The following BACH2 variants were observed in gnomAD, a reference collection of about 807,000 sequenced individuals.
BACH2 encodes transcription regulator protein BACH2.
BACH2 carries 5 observed loss-of-function variants against 61.8 expected under a neutral mutation model. The observed-to-expected ratio is 0.08, with a 90% CI of 0.04 to 0.17. BACH2 has a LOEUF of 0.17. Among genes scored for constraint, BACH2 ranks in the 10% least tolerant of loss-of-function variants. The pLI is 1.00. For missense variants in BACH2, 824 were observed against 1,091.1 expected (o/e 0.76, Z 3.45); for synonymous variants, 446 against 440.1 (o/e 1.01, Z -0.17).
chr6:90,108,932 CT>C (rs1416353154), intron 4 of BACH2, among the ~76,000 whole-genome samples: 1 of 152,160 alleles, frequency 6.6e-6, no homozygotes, highest in Non-Finnish European at 1.5e-5. Flanking sequence ...CCCATCCCCT[CT>C]CTCTCACTTA....
At chr6:89,991,787 T>C (rs1776589234) in intron 6 of BACH2, among the ~76,000 whole-genome samples, 2 of 152,148 alleles carry the variant, frequency 1.3e-5, no homozygotes, top group Admixed American at 6.5e-5. Context: ...TCTTTTAATC[T>C]AGGGCAATCC....
At chr6:90,272,465 T>C (rs1359173665) in intron 1 of BACH2, among the ~76,000 whole-genome samples, 1 of 152,112 alleles carries the variant, frequency 6.6e-6, no homozygotes, top group East Asian at 1.9e-4. Context: ...ATTCCCTCCC[T>C]TGAACTCCTC....
intron 3 of BACH2, among the ~76,000 whole-genome samples, chr6:90,230,713 G>A (rs765361037): frequency 1.1e-4 from 17 of 152,168 alleles, no homozygotes; most frequent in Non-Finnish European, 2.2e-4. Flanking sequence ...AAAGAAAAGC[G>A]ATGTGGAGAC....
intron 6 of BACH2, among the ~76,000 whole-genome samples, chr6:89,967,437 T>G (rs1006742926): frequency 2.6e-5 from 4 of 152,180 alleles, no homozygotes; most frequent in Admixed American, 1.3e-4. Flanking sequence ...GTTCCAGTAT[T>G]TGGATGGAAT....
intron 5 of BACH2, among the ~76,000 whole-genome samples, chr6:90,059,481 G>C (rs1780562961): frequency 6.6e-6 from 1 of 152,314 alleles, no homozygotes; most frequent in South Asian, 2.1e-4. Context: ...AACAACAGGT[G>C]CTGGAGAGGA....
chr6:90,054,692 C>G (rs1188411293), intron 5 of BACH2, among the ~76,000 whole-genome samples: 1 of 152,232 alleles, frequency 6.6e-6, no homozygotes. Context: ...GGGTCCCTGA[C>G]CCCCGAGGAG....
intron 5 of BACH2, among the ~76,000 whole-genome samples, chr6:90,014,820 C>T (rs979912737): frequency 6.6e-6 from 1 of 151,734 alleles, no homozygotes; most frequent in Admixed American, 6.6e-5. Context: ...ACTTTGTTGC[C>T]CTGGCTGGAG....
chr6:90,264,169 ATC>A, intron 2 of BACH2, among the ~76,000 whole-genome samples: 1 of 152,130 alleles, frequency 6.6e-6, no homozygotes, highest in East Asian at 1.9e-4. Context: ...GCTTTGTTCA[ATC>A]TCTGCCTTTT....
At chr6:90,016,448 CTTCT>C (rs1778067224) in intron 5 of BACH2, among the ~76,000 whole-genome samples, 1 of 152,002 alleles carries the variant, frequency 6.6e-6, no homozygotes, top group African/African-American at 2.4e-5. Flanking sequence ...TTATAATATG[CTTCT>C]TTAAGTTATC....
chr6:90,260,918 C>T (rs897735763), intron 2 of BACH2, among the ~76,000 whole-genome samples: 1 of 152,106 alleles, frequency 6.6e-6, no homozygotes, highest in African/African-American at 2.4e-5. Context: ...CAATTTGGCC[C>T]ACTGGAAAAG....
intron 6 of BACH2, among the ~76,000 whole-genome samples, chr6:89,962,422 C>T (rs1001935355): frequency 4.6e-5 from 7 of 152,146 alleles, no homozygotes; most frequent in East Asian, 1.9e-4. Flanking sequence ...CTCATCTTTA[C>T]GCTCCAAAGA....
chr6:90,197,897 T>C (rs1219862182), intron 4 of BACH2, among the ~76,000 whole-genome samples: 5 of 152,134 alleles, frequency 3.3e-5, no homozygotes, highest in Non-Finnish European at 5.9e-5. Flanking sequence ...ACAATCACAA[T>C]GTGTGTGAAA....
chr6:90,172,485 CA>C (rs1767850359), intron 4 of BACH2, among the ~76,000 whole-genome samples: 2 of 151,450 alleles, frequency 1.3e-5, no homozygotes, highest in African/African-American at 2.4e-5. Flanking sequence ...TTCAGAAAGC[CA>C]AATGCATCCC....
intron 5 of BACH2, among the ~76,000 whole-genome samples, chr6:90,083,654 C>T (rs1781812463): frequency 6.6e-6 from 1 of 152,078 alleles, no homozygotes; most frequent in Admixed American, 6.5e-5. Flanking sequence ...TTTTAGAGTG[C>T]TTAACATAAA....
chr6:90,035,307 A>G (rs1779209476), intron 5 of BACH2, among the ~76,000 whole-genome samples: 1 of 152,114 alleles, frequency 6.6e-6, no homozygotes, highest in Non-Finnish European at 1.5e-5. Flanking sequence ...ATTCCATGGG[A>G]AAAAACCTAG....
At chr6:90,013,106 T>C (rs1240401595) in intron 5 of BACH2, among the ~76,000 whole-genome samples, 1 of 152,178 alleles carries the variant, frequency 6.6e-6, no homozygotes, top group Non-Finnish European at 1.5e-5. Context: ...CAAATAATTT[T>C]TGTATTTTGA....
intron 5 of BACH2, among the ~76,000 whole-genome samples, chr6:90,038,529 T>C (rs1779375686): frequency 6.6e-6 from 1 of 152,178 alleles, no homozygotes; most frequent in Non-Finnish European, 1.5e-5. Context: ...AGTTTTTCTT[T>C]TGTTTTGCTT....
At chr6:90,271,366 T>TAAAAAA (rs3073450) in intron 2 of BACH2, among the ~76,000 whole-genome samples, 2,633 of 103,614 alleles carry the variant, frequency 0.025, 67 homozygotes, top group African/African-American at 0.1. Context: ...CAACCCCATT[T>TAAAAAA]AAAAAAAAAA....
chr6:90,241,184 G>A (rs1311837632), intron 3 of BACH2, among the ~76,000 whole-genome samples: 1 of 149,706 alleles, frequency 6.7e-6, no homozygotes, highest in African/African-American at 2.4e-5. Context: ...ATGGTTTCCA[G>A]ATAATATATA....
Sources: gnomAD v4.1 joint callset for allele counts (sites outside exome capture counted in the v4.1 genomes callset) on GRCh38, gnomAD v4.1.1 for gene constraint, MANE v1.5 for transcripts, NCBI Gene and HGNC (gene_info 2026-07-23, HGNC 2026-07-21) for gene names.